The following FBXO8 variants were observed in gnomAD, a reference collection of about 807,000 sequenced individuals.
The protein encoded by FBXO8 is F-box protein 8.
A neutral mutation model predicts 33.4 loss-of-function variants in FBXO8; 15 were observed. The ratio of observed to expected loss-of-function variants is 0.45; its 90% confidence interval spans 0.30 to 0.69. The LOEUF is 0.69. Ranked by LOEUF, FBXO8 falls within the 30% of genes least tolerant of loss-of-function variation. FBXO8 has a pLI of 0.08. For missense variants in FBXO8, 274 were observed against 380.3 expected, an observed-to-expected ratio of 0.72 and a Z score of 2.32; for synonymous variants, 132 against 131.5, an observed-to-expected ratio of 1.00 and a Z score of -0.02.
intron 3 of FBXO8, among the ~76,000 whole-genome samples, chr4:174,244,141 A>T (rs1736107218): frequency 6.6e-6 from 1 of 151,400 alleles, no homozygotes; most frequent in African/African-American, 2.4e-5. Context: ...GAAGATATTA[A>T]GCTCTTTTGG....
At chr4:174,273,514 T>A (rs1280809878) in intron 1 of FBXO8, among the ~76,000 whole-genome samples, 1 of 152,118 alleles carries the variant, frequency 6.6e-6, no homozygotes, top group East Asian at 1.9e-4. Context: ...GGTATCATAG[T>A]ATCAATGTTA....
intron 1 of FBXO8, among the ~76,000 whole-genome samples, chr4:174,268,643 A>T (rs538982843): frequency 6.6e-6 from 1 of 152,068 alleles, no homozygotes; most frequent in Non-Finnish European, 1.5e-5. Flanking sequence ...TCACCGTGTT[A>T]GCCAGGATGG....
At chr4:174,276,509 T>A (rs1328125912) in intron 1 of FBXO8, among the ~76,000 whole-genome samples, 1 of 152,224 alleles carries the variant, frequency 6.6e-6, no homozygotes, top group East Asian at 1.9e-4. Context: ...GTGCTAGGAT[T>A]ACAGGCATGA....
Position 174,241,183 on chromosome 4 carries a change from A to T in FBXO8, c.492T>A (p.Asp164Glu), listed in dbSNP as rs182351306. The T allele has an allele frequency of 6.2e-7, 1 of 1,610,066 alleles. No homozygotes were observed. Among genetic ancestry groups the T allele is most frequent in the East Asian group, 2.2e-5 (1 of 44,716 alleles). The change falls in exon 4 of 6, where the codon GAT becomes GAA. Residue 164 changes from aspartate (D) to glutamate (E), a missense_variant. By Grantham distance (45) the Asp-to-Glu change is conservative (BLOSUM62 2). Coordinates refer to ENST00000393674, the MANE Select transcript of FBXO8 (RefSeq NM_012180.3). The surrounding 1 kb of genome is among the most constrained non-coding windows in gnomAD (Gnocchi z 4.2). ...ACTTTGCTATTTCCTTTGGCGAATC[A>T]TCCAGGATACCCTTGGACATAAAGT... ...VNYFMSKGIL[D>E]DSPKEIAKFI...
Position 174,275,834 on chromosome 4 carries a change from G to C in FBXO8, c.-9+7576C>G, listed in dbSNP as rs755180906. 1.6e-4 allele frequency among the ~76,000 whole-genome samples: 24 copies of C among 152,030 alleles called. No individual in the cohort carries two copies. The highest frequency in any genetic ancestry group is 2.9e-4 in the Non-Finnish European group (20 of 67,990). ...ATGGATCAAAAGAAGATGGAATTAAGGAATACAAATCCTTATAGACACAAA... is the reference window on the plus strand; with the variant it reads ...ATGGATCAAAAGAAGATGGAATTAACGAATACAAATCCTTATAGACACAAA... On this transcript the variant is annotated intron_variant, in intron 1 of 5. Transcript: ENST00000393674. The surrounding 1 kb of genome is among the most constrained non-coding windows in gnomAD (Gnocchi z 4.4).
rs1376744365 is a variant in FBXO8 at position 174,274,816 on chromosome 4, T to C, written c.-9+8594A>G. Among the ~76,000 whole-genome samples the C allele has an allele frequency of 6.6e-6, 1 of 152,166 alleles. No individual in the cohort carries two copies. Among genetic ancestry groups the C allele is most frequent in the Admixed American group, 6.5e-5 (1 of 15,280 alleles). On this transcript the variant is annotated intron_variant, in intron 1 of 5. Transcript: ENST00000393674. This position sits in a 1 kb window ranked among gnomAD's most constrained non-coding sequence, Gnocchi z 4.0. ...ACAAAAATTAACTCAAAATGGACCA[T>C]AGACTTAAACGTAAAACATAAAACT... is the stretch of plus-strand genomic sequence containing the variant.
Position 174,237,336 on chromosome 4 carries a change from T to C in FBXO8, c.*76A>G. 1.6e-6 allele frequency: 2 copies of C among 1,260,824 alleles called. No individual in the cohort carries two copies. The highest frequency in any genetic ancestry group is 1.9e-5 in the Admixed American group (1 of 52,594). 78.1% of individuals were successfully genotyped at this position (1,260,824 alleles called of 1,614,324 possible). A position where few individuals can be genotyped will look rare whatever the true frequency, so the allele number is the denominator to read the frequency against. ...CTCAGGCTACAATGACCAGCACTGA[T>C]GTAACCCCCATATCTGCTAAGTCCT... is the stretch of plus-strand genomic sequence containing the variant. On this transcript the variant is annotated 3_prime_UTR_variant, in exon 6 of 6. Transcript: ENST00000393674. The surrounding 1 kb of genome is among the most constrained non-coding windows in gnomAD (Gnocchi z 4.4).
At chr4:174,269,103 T>TG (rs1736770801) in intron 1 of FBXO8, 1 of 152,214 alleles carries the variant, frequency 6.6e-6, no homozygotes, top group South Asian at 2.1e-4. Context: ...TTTATCATGT[T>TG]GAGAGGATCT....
At position 174,263,075 on chromosome 4, in the gene FBXO8, C is replaced by T; in HGVS notation, c.18G>A (p.Trp6Ter). Residue 6 changes from tryptophan to a stop codon, truncating the protein, a stop_gained, in exon 2 of 6, where the codon TGG becomes TGA. Transcript: ENST00000393674. LOFTEE classifies it high-confidence loss of function. This position sits in a 1 kb window ranked among gnomAD's most constrained non-coding sequence, Gnocchi z 4.2. ...GCAGCTGCTGGTTTCTGACCACTCT[C>T]CACAACCCTTGACCCATCTGCAAGC... MGQGL[W>*]RVVRNQQLQQ... 1 of 1,613,788 alleles carries T rather than the reference C, an allele frequency of 6.2e-7. No homozygotes were observed. The highest frequency in any genetic ancestry group is 8.5e-7 in the Non-Finnish European group (1 of 1,179,862).
rs372217885 is a variant in FBXO8, at chr4:174,241,177, C to T, written c.498G>A (p.Ser166=). 2.0e-5 allele frequency: 32 copies of T among 1,609,752 alleles called. No individual in the cohort carries two copies. The African/African-American group carries it at 3.1e-4, about 15-fold the overall frequency. ...AGATAAACTTTGCTATTTCCTTTGG[C>T]GAATCATCCAGGATACCCTTGGACA... ...YFMSKGILDD[S]PKEIAKFIFC... is the part of the protein sequence containing the mutation. The change falls in exon 4 of 6, where the codon TCG becomes TCA. Residue 166 remains serine, a synonymous_variant. Coordinates refer to ENST00000393674, the MANE Select transcript of FBXO8 (RefSeq NM_012180.3). The surrounding 1 kb of genome is among the most constrained non-coding windows in gnomAD (Gnocchi z 4.2).
intron 1 of FBXO8, among the ~76,000 whole-genome samples, chr4:174,266,841 T>G (rs1736707629): frequency 6.6e-6 from 1 of 152,242 alleles, no homozygotes; most frequent in African/African-American, 2.4e-5. Context: ...TAAAGTTAAT[T>G]TCATGGCTAA....
At chr4:174,279,760 T>C (rs1737035464) in intron 1 of FBXO8, among the ~76,000 whole-genome samples, 2 of 152,084 alleles carry the variant, frequency 1.3e-5, no homozygotes, top group South Asian at 4.1e-4. Context: ...AAGGACAGTC[T>C]TTTCAACAAA....
chr4:174,245,789 T>C lies in FBXO8; in HGVS notation c.457-4571A>G, dbSNP rs1560866482. On this transcript the variant is annotated intron_variant, in intron 3 of 5. Transcript: ENST00000393674. The surrounding 1 kb of genome is among the most constrained non-coding windows in gnomAD (Gnocchi z 4.6). ...GTATATGTTACATATATGTTACATA[T>C]ATGAAAATAACTTGATAAATATGCT... Among the ~76,000 whole-genome samples the C allele has an allele frequency of 6.6e-6, 1 of 151,934 alleles. No homozygotes were observed. The highest frequency in any genetic ancestry group is 2.4e-5 in the African/African-American group (1 of 41,382).
chr4:174,258,101 A>T (rs1736458790), intron 3 of FBXO8, among the ~76,000 whole-genome samples: 1 of 152,148 alleles, frequency 6.6e-6, no homozygotes, highest in Non-Finnish European at 1.5e-5. Flanking sequence ...GTTTAAGTCT[A>T]AATAAAGAAT....
chr4:174,256,455 A>G lies in FBXO8; in HGVS notation c.456+3244T>C, dbSNP rs1335400706. On this transcript the variant is annotated intron_variant, in intron 3 of 5. Transcript: ENST00000393674. The surrounding 1 kb of genome is among the most constrained non-coding windows in gnomAD (Gnocchi z 4.6). ...GCACTCAAAAAACTTGGCAAGAGTC[A>G]TTCTAAAGTCTGGCTAAAGTATGAC... is the stretch of plus-strand genomic sequence containing the variant. 6.6e-6 allele frequency among the ~76,000 whole-genome samples: 1 copy of G among 152,208 alleles called. No homozygotes were observed. Among genetic ancestry groups the G allele is most frequent in the East Asian group, 1.9e-4 (1 of 5,198 alleles).
Position 174,252,103 on chromosome 4 carries a change from C to T in FBXO8, c.456+7596G>A, listed in dbSNP as rs979566609. ...CCCACCTCAGCCCCCTAAGTAGCTG[C>T]GACTCCAGACACATGCTATCATACC... On this transcript the variant is annotated intron_variant, in intron 3 of 5. Coordinates refer to ENST00000393674, the MANE Select transcript of FBXO8 (RefSeq NM_012180.3). The surrounding 1 kb of genome is among the most constrained non-coding windows in gnomAD (Gnocchi z 5.1). 6.6e-5 allele frequency among the ~76,000 whole-genome samples: 10 copies of T among 152,000 alleles called. No individual in the cohort carries two copies. Among genetic ancestry groups the T allele is most frequent in the Admixed American group, 5.3e-4 (8 of 15,232 alleles).
In FBXO8 at chr4:174,247,184, C is replaced by T. The variant is rs952706392; in HGVS notation, c.457-5966G>A. 3.3e-5 allele frequency among the ~76,000 whole-genome samples: 5 copies of T among 151,978 alleles called. No individual in the cohort carries two copies. Among genetic ancestry groups the T allele is most frequent in the African/African-American group, 1.2e-4 (5 of 41,400 alleles). On this transcript the variant is annotated intron_variant, in intron 3 of 5. Coordinates refer to ENST00000393674, the MANE Select transcript of FBXO8 (RefSeq NM_012180.3). The surrounding 1 kb of genome is among the most constrained non-coding windows in gnomAD (Gnocchi z 4.6). ...TGGTACTGAAAGTACTGTCTACTGC[C>T]ACAGACACCTGGCACACACATTGTG... is the stretch of plus-strand genomic sequence containing the variant.
rs1046186734 is a variant in FBXO8, at chr4:174,261,720, A to C, written c.329+1044T>G. The stretch of plus-strand genomic sequence containing the variant: ...CTATTTAGAGGTTGAGAAATGACCT[A>C]TATAACTTGTACTAGAACTGTGTGA... On this transcript the variant is annotated intron_variant, in intron 2 of 5. Coordinates refer to ENST00000393674, the MANE Select transcript of FBXO8 (RefSeq NM_012180.3). This position sits in a 1 kb window ranked among gnomAD's most constrained non-coding sequence, Gnocchi z 4.1. 6.6e-6 allele frequency among the ~76,000 whole-genome samples: 1 copy of C among 152,054 alleles called. No homozygotes were observed. Among genetic ancestry groups the C allele is most frequent in the Non-Finnish European group, 1.5e-5 (1 of 67,884 alleles).
rs1736356276 is a variant in FBXO8, at chr4:174,253,926, G to T, written c.456+5773C>A. Among the ~76,000 whole-genome samples, 1 of 152,096 alleles carries T rather than the reference G, an allele frequency of 6.6e-6. No homozygotes were observed. The highest frequency in any genetic ancestry group is 2.4e-5 in the African/African-American group (1 of 41,398). On this transcript the variant is annotated intron_variant, in intron 3 of 5. Coordinates refer to ENST00000393674, the MANE Select transcript of FBXO8 (RefSeq NM_012180.3). The surrounding 1 kb of genome is among the most constrained non-coding windows in gnomAD (Gnocchi z 4.5). Reference sequence around the variant, plus strand: ...GTGGTAGCATCTTGCTATCAAGAGAGGGTGAAAGTCAACACACTCAGGTCC... The same window carrying T: ...GTGGTAGCATCTTGCTATCAAGAGATGGTGAAAGTCAACACACTCAGGTCC...
Sources: gnomAD v4.1 joint callset for allele counts (sites outside exome capture counted in the v4.1 genomes callset) on GRCh38, gnomAD v4.1.1 for gene constraint, Gnocchi (gnomAD v3.1) non-coding constraint, MANE v1.5 for transcripts, NCBI Gene and HGNC (gene_info 2026-07-23, HGNC 2026-07-21) for gene names.